ENTREP2: variants seen among roughly 807,000 people sequenced by gnomAD.
The protein encoded by ENTREP2 is protein ENTREP2.
At chr15:29,333,517 C>T in the ENTREP2 span, among the ~76,000 whole-genome samples, 5 of 152,298 alleles carry the variant, frequency 3.3e-5, no homozygotes, top group Admixed American at 6.5e-5. Context: ...CCCTCCCGGG[C>T]ACCCGGCTTT....
the ENTREP2 span, among the ~76,000 whole-genome samples, chr15:29,357,428 A>G: frequency 6.6e-6 from 1 of 152,186 alleles, no homozygotes; most frequent in Non-Finnish European, 1.5e-5. Context: ...CCAAGAAATC[A>G]GCACCAGAAG....
chr15:29,530,174 C>A, the ENTREP2 span, among the ~76,000 whole-genome samples: 1 of 152,120 alleles, frequency 6.6e-6, no homozygotes, highest in African/African-American at 2.4e-5. Context: ...CTCTTCCGAA[C>A]AAGGCTTTAG....
chr15:29,206,941 A>C, the ENTREP2 span, among the ~76,000 whole-genome samples: 2 of 152,078 alleles, frequency 1.3e-5, no homozygotes, highest in Non-Finnish European at 2.9e-5. Flanking sequence ...ACAGTTTGGG[A>C]CCAATCAAAA....
chr15:29,573,646 CCT>C, the ENTREP2 span, among the ~76,000 whole-genome samples: 1 of 151,028 alleles, frequency 6.6e-6, no homozygotes, highest in African/African-American at 2.4e-5. Flanking sequence ...TCTCTCCCCC[CCT>C]CTCTCTCTCC....
At chr15:29,472,654 G>A in the ENTREP2 span, among the ~76,000 whole-genome samples, 1 of 152,200 alleles carries the variant, frequency 6.6e-6, no homozygotes, top group Non-Finnish European at 1.5e-5. Flanking sequence ...TAGTAGAGAT[G>A]AGGTTTCACC....
At chr15:29,586,794 T>A in the ENTREP2 span, among the ~76,000 whole-genome samples, 1 of 151,864 alleles carries the variant, frequency 6.6e-6, no homozygotes, top group African/African-American at 2.4e-5. Flanking sequence ...AAGTATAGTA[T>A]GCTCTGATTA....
chr15:29,184,041 C>T, the ENTREP2 span, among the ~76,000 whole-genome samples: 2 of 152,078 alleles, frequency 1.3e-5, no homozygotes, highest in South Asian at 2.1e-4. Context: ...AGTGCAGTGG[C>T]ATCATCTTGG....
chr15:29,455,524 C>T, the ENTREP2 span, among the ~76,000 whole-genome samples: 1 of 152,138 alleles, frequency 6.6e-6, no homozygotes, highest in African/African-American at 2.4e-5. Flanking sequence ...CTTTTTAATC[C>T]ATAGGAAACT....
chr15:29,454,194 C>G, the ENTREP2 span, among the ~76,000 whole-genome samples: 5 of 152,170 alleles, frequency 3.3e-5, no homozygotes, highest in East Asian at 7.7e-4. Flanking sequence ...TCTCTGATTA[C>G]TTGTGAGGTT....
the ENTREP2 span, among the ~76,000 whole-genome samples, chr15:29,572,812 C>T: frequency 6.6e-6 from 1 of 150,646 alleles, no homozygotes; most frequent in Non-Finnish European, 1.5e-5. Flanking sequence ...GTTATGGAGA[C>T]TACACAGTGC....
At chr15:29,364,951 AGG>A in the ENTREP2 span, among the ~76,000 whole-genome samples, 1 of 152,154 alleles carries the variant, frequency 6.6e-6, no homozygotes, top group African/African-American at 2.4e-5. Flanking sequence ...GGTTTACATT[AGG>A]GTCCACTCTT....
the ENTREP2 span, among the ~76,000 whole-genome samples, chr15:29,422,765 A>C: frequency 1.3e-5 from 2 of 152,232 alleles, no homozygotes; most frequent in African/African-American, 4.8e-5. Context: ...TTTGAGTGTG[A>C]AACTTAGGTA....
the ENTREP2 span, among the ~76,000 whole-genome samples, chr15:29,595,232 G>A: frequency 5.3e-5 from 8 of 151,908 alleles, no homozygotes; most frequent in East Asian, 7.8e-4. Flanking sequence ...CAGCCTGGGC[G>A]GCAGAGTGAA....
the ENTREP2 span, chr15:29,269,168 T>A: frequency 6.2e-7 from 1 of 1,614,122 alleles, no homozygotes; most frequent in Middle Eastern, 1.6e-4. Context: ...AAGACGATCA[T>A]CAGGAGGCCC....
At chr15:29,426,035 T>A in the ENTREP2 span, among the ~76,000 whole-genome samples, 1 of 150,412 alleles carries the variant, frequency 6.6e-6, no homozygotes, top group Non-Finnish European at 1.5e-5. Flanking sequence ...AATTATTACA[T>A]AAAGATAATT....
chr15:29,168,305 T>TTGGG, the ENTREP2 span, among the ~76,000 whole-genome samples: 4 of 152,202 alleles, frequency 2.6e-5, no homozygotes, highest in Admixed American at 2.6e-4. Context: ...AAATACCACC[T>TTGGG]GTACCCCAAT....
chr15:29,262,225 G>A, the ENTREP2 span, among the ~76,000 whole-genome samples: 5 of 152,154 alleles, frequency 3.3e-5, no homozygotes, highest in East Asian at 3.9e-4. Flanking sequence ...CATAATCTTC[G>A]TTATACTGTT....
chr15:29,204,816 G>C, the ENTREP2 span, among the ~76,000 whole-genome samples: 1 of 152,128 alleles, frequency 6.6e-6, no homozygotes, highest in Non-Finnish European at 1.5e-5. Flanking sequence ...TTAAATTGTG[G>C]TAAAATACAC....
the ENTREP2 span, among the ~76,000 whole-genome samples, chr15:29,132,792 G>A: frequency 6.6e-6 from 1 of 152,186 alleles, no homozygotes; most frequent in Non-Finnish European, 1.5e-5. Flanking sequence ...CCAGCAGGCA[G>A]GGCCCTCGGG....
Sources: gnomAD v4.1 joint callset for allele counts (sites outside exome capture counted in the v4.1 genomes callset) on GRCh38, gnomAD v4.1.1 for gene constraint, MANE v1.5 for transcripts, NCBI Gene and HGNC (gene_info 2026-07-23, HGNC 2026-07-21) for gene names.